Variants in CHMP3 observed in about 807,000 individuals in gnomAD.
CHMP3 encodes the protein 25.1 protein.
Under a neutral mutation model 27.4 loss-of-function variants are expected in CHMP3, and 8 were observed. The ratio of observed to expected loss-of-function variants is 0.29; its 90% CI spans 0.17 to 0.53. The LOEUF is 0.53. Ranked by LOEUF, CHMP3 falls within the 20% of genes least tolerant of loss-of-function variation. CHMP3 has a pLI of 0.96. For synonymous variants in CHMP3, 86 were observed against 85.5 expected (o/e 1.01, Z -0.03); for missense variants, 208 against 271.5 (o/e 0.77, Z 1.64).
intron 2 of CHMP3, among the ~76,000 whole-genome samples, chr2:86,538,207 A>G (rs1676222926): frequency 6.6e-6 from 1 of 152,200 alleles, no homozygotes; most frequent in Non-Finnish European, 1.5e-5. Context: ...TATATGAGGT[A>G]CTTAGAATCG....
intron 4 of CHMP3, among the ~76,000 whole-genome samples, chr2:86,509,631 T>C (rs1558643236): frequency 6.6e-6 from 1 of 152,196 alleles, no homozygotes; most frequent in Non-Finnish European, 1.5e-5. Flanking sequence ...CCTCATTTCC[T>C]CTGTGACAAC....
chr2:86,542,388 T>A, intron 1 of CHMP3, 76 bp from the exon 2 acceptor site: 1 of 1,349,462 alleles, frequency 7.4e-7, no homozygotes, highest in Non-Finnish European at 1.1e-6. Context: ...AATTTTGTAT[T>A]AACTCCACAT....
chr2:86,506,308 C>T (rs1357604615), intron 5 of CHMP3, among the ~76,000 whole-genome samples: 1 of 152,110 alleles, frequency 6.6e-6, no homozygotes, highest in African/African-American at 2.4e-5. Flanking sequence ...TTAAACCCAA[C>T]AAATGAACTA....
intron 1 of CHMP3, among the ~76,000 whole-genome samples, chr2:86,558,455 A>G (rs1677213707): frequency 6.6e-6 from 1 of 151,922 alleles, no homozygotes; most frequent in African/African-American, 2.4e-5. Flanking sequence ...ACCCTACTAA[A>G]CCTTATTCTG....
intron 3 of CHMP3, among the ~76,000 whole-genome samples, chr2:86,518,374 C>G (rs573464684): frequency 6.6e-6 from 1 of 151,756 alleles, no homozygotes; most frequent in South Asian, 2.1e-4. Context: ...TGAACCAAAA[C>G]CAAAAGGATG....
chr2:86,543,987 T>C (rs1157006005), intron 1 of CHMP3, among the ~76,000 whole-genome samples: 10 of 152,234 alleles, frequency 6.6e-5, no homozygotes, highest in African/African-American at 2.4e-4. Context: ...CCCAGTTCCC[T>C]GGCAACCACT....
At chr2:86,520,237 G>T (rs1399095187) in intron 3 of CHMP3, among the ~76,000 whole-genome samples, 1 of 152,182 alleles carries the variant, frequency 6.6e-6, no homozygotes, top group African/African-American at 2.4e-5. Flanking sequence ...AGACTGGGTT[G>T]TTTATAAAGA....
chr2:86,563,361 C>T lies in CHMP3; in HGVS notation c.-13G>A. 6.2e-7 allele frequency: 1 copy of T among 1,613,640 alleles called. No homozygotes were observed. The highest frequency in any genetic ancestry group is 8.5e-7 in the Non-Finnish European group (1 of 1,179,638). On this transcript the variant is annotated 5_prime_UTR_variant, in exon 1 of 6. Coordinates refer to ENST00000263856, the MANE Select transcript of CHMP3 (RefSeq NM_016079.4). ...CAAACAGCCCCATGACGAACTGAAC[C>T]CGTCTTGCCCCTTCCGGCTTTCAGT...
intron 2 of CHMP3, among the ~76,000 whole-genome samples, chr2:86,536,152 C>T (rs11676576): frequency 0.39 from 58,737 of 150,696 alleles, 13,425 homozygotes; most frequent in East Asian, 0.74. Flanking sequence ...CCCGCCACTA[C>T]GCCCGGCTAA....
intron 3 of CHMP3, among the ~76,000 whole-genome samples, chr2:86,512,956 G>A (rs1675160800): frequency 6.6e-6 from 1 of 152,236 alleles, no homozygotes; most frequent in Non-Finnish European, 1.5e-5. Flanking sequence ...CACTTTGGAA[G>A]ACAAAGCCAG....
intron 1 of CHMP3, among the ~76,000 whole-genome samples, chr2:86,554,228 A>G (rs1388707542): frequency 2.0e-5 from 3 of 152,238 alleles, no homozygotes; most frequent in African/African-American, 7.2e-5. Context: ...ATAAATTTCT[A>G]TTGTTTATAA....
At chr2:86,515,058 T>C (rs952852447) in intron 3 of CHMP3, 1 of 152,204 alleles carries the variant, frequency 6.6e-6, no homozygotes, top group Non-Finnish European at 1.5e-5. Flanking sequence ...GCTGAAATCC[T>C]TCCCCACCCC....
intron 1 of CHMP3, among the ~76,000 whole-genome samples, chr2:86,546,582 C>T (rs568846481): frequency 4.6e-5 from 7 of 151,856 alleles, no homozygotes; most frequent in South Asian, 2.1e-4. Flanking sequence ...GGATTACAGG[C>T]GCTCACCACC....
chr2:86,536,210 G>A (rs1676135598), intron 2 of CHMP3, among the ~76,000 whole-genome samples: 1 of 150,828 alleles, frequency 6.6e-6, no homozygotes, highest in Admixed American at 6.6e-5. Flanking sequence ...GTTTTAGCCG[G>A]GATGGTCTCG....
intron 1 of CHMP3, among the ~76,000 whole-genome samples, chr2:86,552,746 T>C (rs1676959815): frequency 6.6e-6 from 1 of 152,178 alleles, no homozygotes; most frequent in Admixed American, 6.6e-5. Context: ...CTTGCTAAAA[T>C]TGTTTAACCT....
In CHMP3 at chr2:86,555,832, A is replaced by AC. The variant is rs1318525653; in HGVS notation, c.45+7471dup. ...ATTGCATTTAGGAGCCACCTGAATA[A>AC]CTCCCCATCTCAAGAACCTTAATTT... is the stretch of plus-strand genomic sequence containing the variant. On this transcript the variant is annotated intron_variant, in intron 1 of 5. Coordinates refer to ENST00000263856, the MANE Select transcript of CHMP3 (RefSeq NM_016079.4). Among the ~76,000 whole-genome samples the AC allele has an allele frequency of 3.9e-5, 6 of 151,968 alleles. 1 individual carries two copies. The highest frequency in any genetic ancestry group is 8.8e-5 in the Non-Finnish European group (6 of 68,000).
chr2:86,537,978 A>G (rs1258731057), intron 2 of CHMP3, among the ~76,000 whole-genome samples: 2 of 152,242 alleles, frequency 1.3e-5, no homozygotes, highest in African/African-American at 2.4e-5. Context: ...CCATCTTCAG[A>G]GCAGCATTAT....
At chr2:86,507,305 T>G (rs922999226) in intron 5 of CHMP3, 174 bp downstream of exon 5, 3 of 580,686 alleles carry the variant, frequency 5.2e-6, no homozygotes, top group Non-Finnish European at 9.1e-6. Flanking sequence ...TTGTGTTTTT[T>G]AAAAGATGGT....
chr2:86,526,678 C>CTATA (rs1413422440), intron 3 of CHMP3, among the ~76,000 whole-genome samples: 25 of 150,576 alleles, frequency 1.7e-4, no homozygotes, highest in Middle Eastern at 3.4e-3. Context: ...CTCTCTCTCT[C>CTATA]TCTCTATATA....
Sources: allele counts gnomAD v4.1 joint callset (sites outside exome capture counted in the v4.1 genomes callset), GRCh38; gene constraint gnomAD v4.1.1; transcripts MANE v1.5; gene names NCBI Gene and HGNC (gene_info 2026-07-23, HGNC 2026-07-21).